Variants in HCRTR2 observed in about 807,000 individuals in gnomAD.
HCRTR2 encodes the protein hypocretin receptor 2, also known as orexin receptor type 2.
HCRTR2 carries 22 observed loss-of-function variants against 49.0 expected under a neutral mutation model. That is an observed-to-expected ratio of 0.45 (90% confidence interval 0.32 to 0.64). The LOEUF (loss-of-function observed/expected upper bound fraction) is 0.64, where lower values mean the gene tolerates loss of function less well. Ranked by LOEUF, HCRTR2 falls within the 30% of genes least tolerant of loss-of-function variation. The pLI is 0.04. For missense variants in HCRTR2, 491 were observed against 559.4 expected, an observed-to-expected ratio of 0.88 and a Z score of 1.23; for synonymous variants, 236 against 205.3, an observed-to-expected ratio of 1.15 and a Z score of -1.28.
intron 4 of HCRTR2, among the ~76,000 whole-genome samples, chr6:55,270,688 T>A (rs1766955936): frequency 6.6e-6 from 1 of 152,194 alleles, no homozygotes; most frequent in Non-Finnish European, 1.5e-5. Flanking sequence ...AGACTATTTG[T>A]ATTGGGTGTT....
intron 1 of HCRTR2, among the ~76,000 whole-genome samples, chr6:55,131,778 A>G (rs1246968107): frequency 1.4e-5 from 2 of 145,560 alleles, no homozygotes; most frequent in South Asian, 4.4e-4. Flanking sequence ...CATCTTATCC[A>G]CTTAGTCAAT....
chr6:55,190,937 T>G (rs1462251174), intron 1 of HCRTR2, among the ~76,000 whole-genome samples: 1 of 152,260 alleles, frequency 6.6e-6, no homozygotes, highest in African/African-American at 2.4e-5. Flanking sequence ...CCTGTTATAT[T>G]TGATGGAGGC....
chr6:55,108,973 G>A (rs1764012300), intron 1 of HCRTR2, among the ~76,000 whole-genome samples: 1 of 152,070 alleles, frequency 6.6e-6, no homozygotes, highest in Non-Finnish European at 1.5e-5. Context: ...CGGTGCTGTT[G>A]AGGGAGCATG....
Position 55,255,121 on chromosome 6 carries a change from C to A in HCRTR2, c.403-15C>A. On this transcript the variant is annotated splice_polypyrimidine_tract_variant and intron_variant, in intron 2 of 6. Transcript: ENST00000370862. ...GCTGGTGCTTCTCTATTACTATGATCTTTCTTTTCTCTAGACCGTGTCGGT... is the reference window on the plus strand; with the variant it reads ...GCTGGTGCTTCTCTATTACTATGATATTTCTTTTCTCTAGACCGTGTCGGT... The A allele has an allele frequency of 6.2e-7, 1 of 1,613,574 alleles. No homozygotes were observed. Among genetic ancestry groups the A allele is most frequent in the South Asian group, 1.1e-5 (1 of 91,044 alleles).
chr6:55,263,276 T>A (rs1292261657), intron 3 of HCRTR2, among the ~76,000 whole-genome samples: 2 of 152,100 alleles, frequency 1.3e-5, no homozygotes, highest in African/African-American at 4.8e-5. Context: ...ACTGAGTTTA[T>A]ATTTTCTTCC....
intron 1 of HCRTR2, among the ~76,000 whole-genome samples, chr6:55,120,525 A>T (rs546858957): frequency 6.6e-6 from 1 of 151,548 alleles, no homozygotes; most frequent in African/African-American, 2.4e-5. Flanking sequence ...GCAGTCGTGA[A>T]TGGGAGTTCA....
At chr6:55,259,235 AT>A (rs1171373800) in intron 3 of HCRTR2, among the ~76,000 whole-genome samples, 3 of 146,498 alleles carry the variant, frequency 2.0e-5, no homozygotes, top group Non-Finnish European at 3.0e-5. Flanking sequence ...AAAAAAAAAA[AT>A]GGAACCATTT....
rs559781982 is a variant in HCRTR2 at position 55,150,901 on chromosome 6, T to G, written c.-377-23310T>G. 2.6e-5 allele frequency among the ~76,000 whole-genome samples: 4 copies of G among 152,150 alleles called. No homozygotes were observed. The South Asian group carries it at 8.3e-4, about 32-fold the overall frequency. Reference sequence around the variant, plus strand: ...TTGTTTCTAGACAACTACAATAAAGTGAATATCACAATAAAGTGAATCCCA... The same window carrying G: ...TTGTTTCTAGACAACTACAATAAAGGGAATATCACAATAAAGTGAATCCCA... On this transcript the variant is annotated intron_variant, in intron 1 of 7. Coordinates refer to the HCRTR2 transcript ENST00000615358.
chr6:55,185,882 C>A (rs761173523), intron 1 of HCRTR2, among the ~76,000 whole-genome samples: 1 of 152,092 alleles, frequency 6.6e-6, no homozygotes, highest in Non-Finnish European at 1.5e-5. Context: ...ACAATGTTTC[C>A]CTAAGCAATA....
intron 1 of HCRTR2, 124 bp from the exon 2 acceptor site, chr6:55,248,515 A>C (rs1246350266): frequency 5.0e-6 from 4 of 793,960 alleles, no homozygotes; most frequent in Non-Finnish European, 8.7e-6. Flanking sequence ...AAAACACGGC[A>C]CAGCCTTCAA....
intron 1 of HCRTR2, among the ~76,000 whole-genome samples, chr6:55,235,626 A>C (rs1322120939): frequency 6.6e-6 from 1 of 152,120 alleles, no homozygotes; most frequent in Non-Finnish European, 1.5e-5. Flanking sequence ...ATTTAGATCT[A>C]TAAGTAACCT....
intron 1 of HCRTR2, among the ~76,000 whole-genome samples, chr6:55,234,189 G>A (rs1766170553): frequency 6.6e-6 from 1 of 152,042 alleles, no homozygotes; most frequent in Admixed American, 6.6e-5. Flanking sequence ...TTCTCTCCAG[G>A]ATCAGATATT....
chr6:55,211,006 T>C (rs1382147179), intron 1 of HCRTR2, among the ~76,000 whole-genome samples: 1 of 152,160 alleles, frequency 6.6e-6, no homozygotes, highest in Non-Finnish European at 1.5e-5. Flanking sequence ...TGTTTAGATA[T>C]GTTCAGATAC....
intron 5 of HCRTR2, among the ~76,000 whole-genome samples, chr6:55,279,140 A>T (rs1001097988): frequency 6.6e-6 from 1 of 152,120 alleles, no homozygotes; most frequent in Non-Finnish European, 1.5e-5. Flanking sequence ...TTTCCACAAC[A>T]TAAAAACTTT....
intron 1 of HCRTR2, among the ~76,000 whole-genome samples, chr6:55,183,735 T>G (rs917906701): frequency 5.3e-5 from 8 of 152,068 alleles, no homozygotes; most frequent in African/African-American, 1.9e-4. Context: ...ATAAAGAACA[T>G]AATCCAAATT....
At chr6:55,251,538 G>A (rs1766550037) in intron 2 of HCRTR2, among the ~76,000 whole-genome samples, 1 of 151,830 alleles carries the variant, frequency 6.6e-6, no homozygotes, top group South Asian at 2.1e-4. Flanking sequence ...AACTGCAGAA[G>A]ACGCCCTACA....
intron 1 of HCRTR2, among the ~76,000 whole-genome samples, chr6:55,125,608 G>A (rs564995917): frequency 5.0e-4 from 76 of 152,112 alleles, no homozygotes; most frequent in Non-Finnish European, 6.9e-4. Flanking sequence ...TGCTTTTCTC[G>A]AGGAGTATCT....
intron 1 of HCRTR2, among the ~76,000 whole-genome samples, chr6:55,134,797 A>G (rs1474846586): frequency 1.3e-5 from 2 of 152,038 alleles, no homozygotes; most frequent in Non-Finnish European, 1.5e-5. Context: ...ATGTCATTGC[A>G]AATGGCAGGA....
At chr6:55,174,305 T>A, upstream of HCRTR2, 1 of 481,274 alleles carries the variant, frequency 2.1e-6, no homozygotes, top group Non-Finnish European at 3.8e-6. Flanking sequence ...GGACGTAGCT[T>A]TCTCCTCCTG....
Sources: allele counts gnomAD v4.1 joint callset (sites outside exome capture counted in the v4.1 genomes callset), GRCh38; gene constraint gnomAD v4.1.1; transcripts MANE v1.5; gene names NCBI Gene and HGNC (gene_info 2026-07-23, HGNC 2026-07-21).